SPADH: variants seen among roughly 807,000 people sequenced by gnomAD.
SPADH encodes spermadhesin family member.
chr10:122,675,849 T>G, the SPADH span, among the ~76,000 whole-genome samples: 1 of 152,078 alleles, frequency 6.6e-6, no homozygotes. Flanking sequence ...ACCCTCTCAG[T>G]GCTCCCCTCC....
At chr10:122,676,503 T>C in the SPADH span, among the ~76,000 whole-genome samples, 1 of 152,108 alleles carries the variant, frequency 6.6e-6, no homozygotes, top group Admixed American at 6.5e-5. Flanking sequence ...GTAAGGGGAG[T>C]TAAGTTCCTC....
chr10:122,676,766 C>T, the SPADH span: 1 of 985,352 alleles, frequency 1.0e-6, no homozygotes, highest in Non-Finnish European at 1.2e-6. Flanking sequence ...CACCCAGTGA[C>T]TGTGGGGGCC....
At chr10:122,677,781 G>A in the SPADH span, among the ~76,000 whole-genome samples, 85 of 152,166 alleles carry the variant, frequency 5.6e-4, no homozygotes, top group African/African-American at 1.9e-3. Context: ...AGGACACTTC[G>A]AGACACCTGC....
the SPADH span, among the ~76,000 whole-genome samples, chr10:122,677,423 A>G: frequency 3.3e-5 from 5 of 152,320 alleles, no homozygotes; most frequent in South Asian, 6.2e-4. Flanking sequence ...GGAAAGCTCT[A>G]CACTGAATTT....
At chr10:122,673,471 A>T in the SPADH span, among the ~76,000 whole-genome samples, 15 of 152,118 alleles carry the variant, frequency 9.9e-5, no homozygotes, top group African/African-American at 3.6e-4. Flanking sequence ...AGCAGCTCCC[A>T]CCGCTGGCTG....
At chr10:122,678,985 A>G in the SPADH span, 1 of 985,158 alleles carries the variant, frequency 1.0e-6, no homozygotes, top group African/African-American at 1.7e-5. Context: ...ACTCCAGAGA[A>G]CCCAGTCATC....
chr10:122,676,242 A>G, the SPADH span, among the ~76,000 whole-genome samples: 1 of 152,226 alleles, frequency 6.6e-6, no homozygotes, highest in Non-Finnish European at 1.5e-5. Flanking sequence ...AGAAACTGGA[A>G]CACATTTGAC....
the SPADH span, among the ~76,000 whole-genome samples, chr10:122,675,369 A>C: frequency 0.013 from 2,014 of 152,280 alleles, 40 homozygotes; most frequent in African/African-American, 0.046. Flanking sequence ...TGGGAAAAAC[A>C]AGAATGCTGT....
the SPADH span, among the ~76,000 whole-genome samples, chr10:122,679,472 C>T: frequency 6.7e-6 from 1 of 149,788 alleles, no homozygotes; most frequent in South Asian, 2.1e-4. Context: ...AATATATAAT[C>T]CTAGAAAATA....
the SPADH span, among the ~76,000 whole-genome samples, chr10:122,673,472 C>T: frequency 9.2e-5 from 14 of 152,256 alleles, no homozygotes; most frequent in African/African-American, 3.4e-4. Flanking sequence ...GCAGCTCCCA[C>T]CGCTGGCTGG....
chr10:122,678,096 T>G, the SPADH span, among the ~76,000 whole-genome samples: 1 of 152,176 alleles, frequency 6.6e-6, no homozygotes, highest in Non-Finnish European at 1.5e-5. Flanking sequence ...CAGCCCTGTG[T>G]GTGTCCTGGT....
the SPADH span, among the ~76,000 whole-genome samples, chr10:122,675,902 G>A: frequency 2.0e-5 from 3 of 151,702 alleles, no homozygotes; most frequent in African/African-American, 2.4e-5. Flanking sequence ...AAGCCCCCCC[G>A]AAGTCTCCTC....
the SPADH span, among the ~76,000 whole-genome samples, chr10:122,675,452 A>T: frequency 2.0e-5 from 3 of 152,166 alleles, no homozygotes. Context: ...TGGGTAACCC[A>T]GGGCTGTTCC....
At chr10:122,674,831 G>A in the SPADH span, among the ~76,000 whole-genome samples, 1 of 152,188 alleles carries the variant, frequency 6.6e-6, no homozygotes, top group Non-Finnish European at 1.5e-5. Flanking sequence ...AAATCAAGAT[G>A]CCCATTGTAT....
At chr10:122,678,582 C>T in the SPADH span, among the ~76,000 whole-genome samples, 3 of 152,140 alleles carry the variant, frequency 2.0e-5, no homozygotes, top group African/African-American at 4.8e-5. Context: ...GCTGGGCTCC[C>T]TGGAAGACAT....
At chr10:122,678,991 T>C in the SPADH span, 13 of 985,200 alleles carry the variant, frequency 1.3e-5, no homozygotes, top group Non-Finnish European at 1.6e-5. Context: ...GAGAACCCAG[T>C]CATCCACCCA....
chr10:122,677,457 A>G, the SPADH span, among the ~76,000 whole-genome samples: 1 of 152,204 alleles, frequency 6.6e-6, no homozygotes. Context: ...ACTCTTGGCT[A>G]TGACTTTGTT....
the SPADH span, among the ~76,000 whole-genome samples, chr10:122,673,351 C>A: frequency 6.6e-6 from 1 of 152,132 alleles, no homozygotes; most frequent in Non-Finnish European, 1.5e-5. Context: ...CTGGGGACTT[C>A]TGAGGGGGTA....
At chr10:122,674,310 T>C in the SPADH span, among the ~76,000 whole-genome samples, 1 of 152,224 alleles carries the variant, frequency 6.6e-6, no homozygotes, top group Non-Finnish European at 1.5e-5. Context: ...CCTGGAGTGA[T>C]CACTAGCCTC....
Sources: allele counts gnomAD v4.1 joint callset (sites outside exome capture counted in the v4.1 genomes callset), GRCh38; gene constraint gnomAD v4.1.1; transcripts MANE v1.5; gene names NCBI Gene and HGNC (gene_info 2026-07-23, HGNC 2026-07-21).